Variants in TJAP1 observed in about 807,000 individuals in gnomAD.
TJAP1 encodes tight junction-associated protein 1.
A neutral mutation model predicts 42.0 loss-of-function variants in TJAP1; 27 were observed. The observed-to-expected ratio is 0.64, with a 90% CI of 0.47 to 0.89. TJAP1 has a LOEUF of 0.89. Ranked by LOEUF, TJAP1 falls within the 40% of genes least tolerant of loss-of-function variation. TJAP1 has a pLI of 0.00. For synonymous variants in TJAP1, 257 were observed against 288.4 expected (o/e 0.89, Z 1.10); for missense variants, 712 against 726.9 (o/e 0.98, Z 0.24).
Position 43,505,573 on chromosome 6 carries a change from C to G in TJAP1, c.1392C>G (p.Pro464=), listed in dbSNP as rs200579380. The G allele has an allele frequency of 6.2e-7, 1 of 1,613,726 alleles. No homozygotes were observed. Among genetic ancestry groups the G allele is most frequent in the Non-Finnish European group, 8.5e-7 (1 of 1,180,028 alleles). Residue 464 remains proline, a synonymous_variant, in exon 11 of 11, where the codon CCC becomes CCG. Coordinates refer to ENST00000372449, the Ensembl canonical transcript of TJAP1. The surrounding 1 kb of genome is among the most constrained non-coding windows in gnomAD (Gnocchi z 5.5). ...TGGTCCAGGCACCTTCTGCCCGACC[C>G]GAAGAGAGTGAGCTTTTGCTACCCA...
chr6:43,504,272 G>A (rs1045293953), intron 10 of TJAP1: 15 of 220,028 alleles, frequency 6.8e-5, no homozygotes, highest in Non-Finnish European at 1.4e-4. Flanking sequence ...CCACCACCAC[G>A]CCTGGCTAAT....
chr6:43,500,677 T>G, intron 4 of TJAP1, 67 bp from the exon 5 acceptor site: 1 of 1,594,712 alleles, frequency 6.3e-7, no homozygotes, highest in Non-Finnish European at 8.6e-7. Context: ...TGTGGCTATT[T>G]GGAGGGTGAG....
chr6:43,505,520 G>T lies in TJAP1; in HGVS notation c.1339G>T (p.Ala447Ser). The T allele has an allele frequency of 6.2e-7, 1 of 1,613,884 alleles. No individual in the cohort carries two copies. Among genetic ancestry groups the T allele is most frequent in the Non-Finnish European group, 8.5e-7 (1 of 1,180,034 alleles). ...CCTCCCTGAGCTGCAGCGCCATTTT[G>T]CCCATAGCCCCGCTGACAGAGATGA... is the stretch of plus-strand genomic sequence containing the variant. The change falls in exon 11 of 11, where the codon GCC becomes TCC. Residue 447 changes from alanine (A) to serine (S), a missense_variant. Ala to Ser is a moderately conservative substitution (Grantham distance 99, BLOSUM62 1). Transcript: ENST00000372449. This position sits in a 1 kb window ranked among gnomAD's most constrained non-coding sequence, Gnocchi z 5.5.
chr6:43,502,674 T>C (rs1401633128), intron 8 of TJAP1, 57 bp downstream of exon 8: 16 of 1,541,098 alleles, frequency 1.0e-5, no homozygotes, highest in Middle Eastern at 1.7e-4. Context: ...TCAGCTGAGA[T>C]CTGGGATTGT....
rs1038512969 is a variant in TJAP1, at chr6:43,502,709, C to T, written c.387+92C>T. ...TGGGCCCTGGCTGTTACCCTGTGCC[C>T]CTTGAGTACACCCGCTCCTTTCTCT... On this transcript the variant is annotated intron_variant, in intron 8 of 10. Coordinates refer to ENST00000372449, the Ensembl canonical transcript of TJAP1. The T allele has an allele frequency of 5.1e-6, 7 of 1,370,260 alleles. No individual in the cohort carries two copies. The African/African-American group carries it at 1.0e-4, about 20-fold the overall frequency. 84.9% of individuals were successfully genotyped at this position (1,370,260 alleles called of 1,614,324 possible).
At chr6:43,487,214 G>T (rs1786734081) in intron 2 of TJAP1, among the ~76,000 whole-genome samples, 1 of 152,162 alleles carries the variant, frequency 6.6e-6, no homozygotes, top group South Asian at 2.1e-4. Flanking sequence ...GTGCTGTGGT[G>T]GGGAACTCAA....
chr6:43,505,788 G>T lies in TJAP1; in HGVS notation c.1607G>T (p.Gly536Val). The change falls in exon 11 of 11, where the codon GGG (glycine) becomes GTG (valine). Residue 536 changes from glycine to valine, a missense_variant. Transcript: ENST00000372449. The surrounding 1 kb of genome is among the most constrained non-coding windows in gnomAD (Gnocchi z 5.5). ...CCCCAGCGCAGCCCCAAGAGGATGG[G>T]GGTTCACCACCTGCACCGCAAGGAC... The T allele has an allele frequency of 1.3e-6, 2 of 1,506,860 alleles. No individual in the cohort carries two copies. 93.3% of individuals were successfully genotyped at this position (1,506,860 alleles called of 1,614,324 possible). A position where few individuals can be genotyped will look rare whatever the true frequency, so the allele number is the denominator to read the frequency against.
rs766044760 is a variant in TJAP1 at position 43,505,574 on chromosome 6, G to A, written c.1393G>A (p.Glu465Lys). The A allele has an allele frequency of 1.1e-5, 17 of 1,613,586 alleles. No homozygotes were observed. Among genetic ancestry groups the A allele is most frequent in the South Asian group, 9.9e-5 (9 of 91,088 alleles). ...GGTCCAGGCACCTTCTGCCCGACCC[G>A]AAGAGAGTGAGCTTTTGCTACCCAC... The change falls in exon 11 of 11, where the codon GAA becomes AAA. Residue 465 changes from glutamate to lysine, a missense_variant. By Grantham distance (56) the Glu-to-Lys change is moderately conservative. Transcript: ENST00000372449. The surrounding 1 kb of genome is among the most constrained non-coding windows in gnomAD (Gnocchi z 5.5).
intron 6 of TJAP1, 69 bp downstream of exon 6, chr6:43,501,756 A>ACT (rs1361381695): frequency 4.3e-4 from 225 of 522,184 alleles, no homozygotes; most frequent in African/African-American, 8.7e-4. Context: ...ACACACACAC[A>ACT]CACTCTCTCT....
Position 43,492,072 on chromosome 6 carries a change from G to A in TJAP1, c.-121-5809G>A, listed in dbSNP as rs1202343579. Among the ~76,000 whole-genome samples, 2 of 152,248 alleles carry A rather than the reference G, an allele frequency of 1.3e-5. No individual in the cohort carries two copies. The highest frequency in any genetic ancestry group is 2.9e-5 in the Non-Finnish European group (2 of 68,022). The stretch of plus-strand genomic sequence containing the variant: ...CTTGCCCTCTTTTTTTGCAGGGAGG[G>A]GTTGGTTTGCCTGGCTCTTTAGCCC... On this transcript the variant is annotated intron_variant, in intron 2 of 10. Transcript: ENST00000372449. The surrounding 1 kb of genome is among the most constrained non-coding windows in gnomAD (Gnocchi z 4.2).
chr6:43,482,180 T>C (rs774755023), intron 2 of TJAP1, among the ~76,000 whole-genome samples: 4 of 152,236 alleles, frequency 2.6e-5, no homozygotes, highest in Non-Finnish European at 4.4e-5. Flanking sequence ...TGTACTTTGG[T>C]AGACGTCCTC....
rs1192169217 is a variant in TJAP1 at position 43,495,279 on chromosome 6, T to C, written c.-121-2602T>C. ...ACTGCACCATGCATCACTGTCCTCC[T>C]TGGGTCTGTCCGGACTTTCCCTGCA... is the stretch of plus-strand genomic sequence containing the variant. On this transcript the variant is annotated intron_variant, in intron 2 of 10. Coordinates refer to ENST00000372449, the Ensembl canonical transcript of TJAP1. The surrounding 1 kb of genome is among the most constrained non-coding windows in gnomAD (Gnocchi z 4.6). Among the ~76,000 whole-genome samples, 1 of 152,214 alleles carries C rather than the reference T, an allele frequency of 6.6e-6. No homozygotes were observed. Among genetic ancestry groups the C allele is most frequent in the Non-Finnish European group, 1.5e-5 (1 of 68,022 alleles).
In TJAP1 at chr6:43,501,758, A is replaced by ACACACACACACT. The variant is rs1423256237; in HGVS notation, c.290+72_290+73insACACACACACTC. The ACACACACACACT allele has an allele frequency of 1.6e-3, 786 of 492,990 alleles. 5 individuals are homozygous for ACACACACACACT. Among genetic ancestry groups the ACACACACACACT allele is most frequent in the African/African-American group, 0.014 (402 of 29,014 alleles). The allele number at this position is 492,990 out of a possible 1,614,324, so 30.5% of individuals were successfully genotyped here. On this transcript the variant is annotated intron_variant, in intron 6 of 10. Transcript: ENST00000372449. ...CACACACACACACACACACACACAC[A>ACACACACACACT]CTCTCTCTGTCTCTCTCTCTCTCTG... is the stretch of plus-strand genomic sequence containing the variant.
intron 2 of TJAP1, among the ~76,000 whole-genome samples, chr6:43,493,981 C>G (rs1788417245): frequency 6.6e-6 from 1 of 152,170 alleles, no homozygotes; most frequent in South Asian, 2.1e-4. Context: ...CAGATCATGC[C>G]TTACACCTAT....
rs1056954682 is a variant in TJAP1 at position 43,495,350 on chromosome 6, T to C, written c.-121-2531T>C. Among the ~76,000 whole-genome samples, 8 of 152,220 alleles carry C rather than the reference T, an allele frequency of 5.3e-5. No individual in the cohort carries two copies. Among genetic ancestry groups the C allele is most frequent in the African/African-American group, 1.7e-4 (7 of 41,458 alleles). ...AAGGACTGTGGGCTGCCAGGCCCGTTGTATTCCTGTTCATTGCTGGAACTG... is the reference window on the plus strand; with the variant it reads ...AAGGACTGTGGGCTGCCAGGCCCGTCGTATTCCTGTTCATTGCTGGAACTG... On this transcript the variant is annotated intron_variant, in intron 2 of 10. Transcript: ENST00000372449. The surrounding 1 kb of genome is among the most constrained non-coding windows in gnomAD (Gnocchi z 4.6).
In TJAP1 at chr6:43,502,365, G is replaced by A. The variant is rs377204911; in HGVS notation, c.357+16G>A. 5 of 1,612,720 alleles carry A rather than the reference G, an allele frequency of 3.1e-6. No homozygotes were observed. The African/African-American group carries it at 5.3e-5, about 17-fold the overall frequency. On this transcript the variant is annotated intron_variant, in intron 7 of 10. Transcript: ENST00000372449. The stretch of plus-strand genomic sequence containing the variant: ...GCACACACTGGTAATCTGTCTGGGA[G>A]GGCAGCTTGGTGGGCACTGTGCTCA...
chr6:43,501,948 C>T (rs566610359), intron 6 of TJAP1, among the ~76,000 whole-genome samples: 2 of 147,016 alleles, frequency 1.4e-5, no homozygotes, highest in African/African-American at 5.0e-5. Context: ...CTCTCTCTCT[C>T]TCTCTCTCCT....
intron 8 of TJAP1, chr6:43,503,119 C>T: frequency 2.0e-6 from 1 of 502,306 alleles, no homozygotes; most frequent in Non-Finnish European, 3.6e-6. Flanking sequence ...TGCCTGGTGC[C>T]CAGAGCCCCT....
chr6:43,504,616 C>T (rs1791813864), intron 10 of TJAP1, 145 bp from the exon 11 acceptor site: 9 of 1,049,886 alleles, frequency 8.6e-6, no homozygotes, highest in Middle Eastern at 2.8e-4. Context: ...TGAGGGTATA[C>T]ACACTGGCAT....
Sources: gnomAD v4.1 joint callset for allele counts (sites outside exome capture counted in the v4.1 genomes callset) on GRCh38, gnomAD v4.1.1 for gene constraint, Gnocchi (gnomAD v3.1) non-coding constraint, MANE v1.5 for transcripts, NCBI Gene and HGNC (gene_info 2026-07-23, HGNC 2026-07-21) for gene names.